Variants in ME3 observed in about 807,000 individuals in gnomAD.
ME3 encodes NADP-dependent malic enzyme, mitochondrial.
ME3 carries 48 observed loss-of-function variants against 68.9 expected under a neutral mutation model. The observed-to-expected ratio is 0.70, with a 90% CI of 0.55 to 0.89. The LOEUF is 0.89. Ranked by LOEUF, ME3 falls within the 40% of genes least tolerant of loss-of-function variation. ME3 has a pLI of 0.00. For missense variants in ME3, 675 were observed against 797.4 expected (o/e 0.85, Z 1.85); for synonymous variants, 320 against 318.8 (o/e 1.00, Z -0.04).
At chr11:86,652,218 C>T (rs1353400231) in intron 2 of ME3, among the ~76,000 whole-genome samples, 1 of 152,110 alleles carries the variant, frequency 6.6e-6, no homozygotes, top group Non-Finnish European at 1.5e-5. Context: ...GGCAGGCCAA[C>T]ATTTAGATTC....
At chr11:86,611,749 T>G (rs943519655) in intron 2 of ME3, among the ~76,000 whole-genome samples, 4 of 152,108 alleles carry the variant, frequency 2.6e-5, no homozygotes, top group Admixed American at 6.6e-5. Context: ...TCTAGATGTT[T>G]GATCTTAGGC....
chr11:86,559,195 C>T (rs1032673512), intron 3 of ME3, among the ~76,000 whole-genome samples: 2 of 152,158 alleles, frequency 1.3e-5, no homozygotes, highest in Non-Finnish European at 2.9e-5. Flanking sequence ...TGCCCATAGC[C>T]TCCAACAAAT....
chr11:86,660,940 G>C (rs550990499), intron 2 of ME3, among the ~76,000 whole-genome samples: 1 of 152,230 alleles, frequency 6.6e-6, no homozygotes, highest in South Asian at 2.1e-4. Context: ...AGAGGGTCAG[G>C]TCAAGATTTT....
At chr11:86,486,255 T>G (rs1401486305) in intron 7 of ME3, among the ~76,000 whole-genome samples, 1 of 152,250 alleles carries the variant, frequency 6.6e-6, no homozygotes, top group Admixed American at 6.5e-5. Context: ...ATTCATTTTG[T>G]CTTTTGACAG....
At chr11:86,642,878 G>A (rs1938921) in intron 2 of ME3, among the ~76,000 whole-genome samples, 106,413 of 152,092 alleles carry the variant, frequency 0.7, 38,411 homozygotes, top group Non-Finnish European at 0.8. Context: ...TGATACTTGC[G>A]TGAGATAACC....
At chr11:86,442,206 C>A (rs1949035302) in intron 14 of ME3, among the ~76,000 whole-genome samples, 2 of 152,200 alleles carry the variant, frequency 1.3e-5, no homozygotes, top group African/African-American at 4.8e-5. Flanking sequence ...GAAAACCCAT[C>A]ATCTCTGCAC....
chr11:86,525,003 G>C (rs1954625590), intron 4 of ME3, among the ~76,000 whole-genome samples: 1 of 152,222 alleles, frequency 6.6e-6, no homozygotes, highest in South Asian at 2.1e-4. Flanking sequence ...GCTTTGAAAT[G>C]ATTGAGAAAA....
At chr11:86,459,705 G>A (rs1950133593) in intron 8 of ME3, among the ~76,000 whole-genome samples, 1 of 152,184 alleles carries the variant, frequency 6.6e-6, no homozygotes, top group Non-Finnish European at 1.5e-5. Context: ...CTTGTCCAAA[G>A]CCACAAAGCA....
intron 2 of ME3, among the ~76,000 whole-genome samples, chr11:86,652,432 T>C (rs1293810312): frequency 6.6e-6 from 1 of 151,914 alleles, no homozygotes; most frequent in East Asian, 1.9e-4. Context: ...AGAGTGGGGG[T>C]CAATATTCAA....
intron 2 of ME3, among the ~76,000 whole-genome samples, chr11:86,597,199 A>T (rs966941158): frequency 1.3e-5 from 2 of 152,226 alleles, no homozygotes; most frequent in African/African-American, 4.8e-5. Context: ...CAAGGCAGGG[A>T]TGTGGTCGCA....
chr11:86,671,607 G>T (rs889476969), intron 2 of ME3, 155 bp downstream of exon 2: 1 of 878,030 alleles, frequency 1.1e-6, no homozygotes, highest in Non-Finnish European at 1.7e-6. Context: ...GGACAAGAAA[G>T]CCAAACCAAG....
intron 2 of ME3, among the ~76,000 whole-genome samples, chr11:86,580,244 T>C (rs1436178010): frequency 6.6e-6 from 1 of 152,232 alleles, no homozygotes; most frequent in Non-Finnish European, 1.5e-5. Flanking sequence ...GGAAGCGATG[T>C]TGATGTTCAC....
chr11:86,450,484 G>A, intron 8 of ME3, 86 bp from the exon 9 acceptor site: 5 of 1,096,916 alleles, frequency 4.6e-6, no homozygotes, highest in Non-Finnish European at 6.8e-6. Context: ...CCCACATCTG[G>A]GACTGTGGAG....
chr11:86,487,203 T>A lies in ME3; in HGVS notation c.809+134A>T, dbSNP rs1023559714. ...AGTCTTATCACTCCTAGGGGTCAAG[T>A]TGGAATTTTCAGAATACCTGGAAAA... is the stretch of plus-strand genomic sequence containing the variant. On this transcript the variant is annotated intron_variant, in intron 7 of 14. Transcript: ENST00000543262. 4.2e-6 allele frequency: 3 copies of A among 709,426 alleles called. No homozygotes were observed. In the African/African-American group the frequency reaches 5.3e-5, roughly 12 times the overall value. The allele number at this position is 709,426 out of a possible 1,614,324, so 43.9% of individuals were successfully genotyped here.
chr11:86,496,137 G>A (rs1034495888), intron 6 of ME3, among the ~76,000 whole-genome samples: 3 of 152,064 alleles, frequency 2.0e-5, no homozygotes, highest in African/African-American at 7.2e-5. Context: ...TGGGTGCAGT[G>A]GCTCAAGTCT....
intron 4 of ME3, among the ~76,000 whole-genome samples, chr11:86,552,335 C>T (rs917648503): frequency 1.4e-4 from 21 of 152,212 alleles, no homozygotes; most frequent in Admixed American, 4.6e-4. Context: ...CTGACAAAGA[C>T]GCTCCTTTGA....
intron 7 of ME3, among the ~76,000 whole-genome samples, chr11:86,471,345 A>G (rs1176466079): frequency 6.6e-6 from 1 of 151,980 alleles, no homozygotes; most frequent in Non-Finnish European, 1.5e-5. Flanking sequence ...CATGTTGGCC[A>G]GGATGGTCTT....
rs550058099 is a variant in ME3, at chr11:86,599,543, G to A, written c.184-39720C>T. ...AAACACTCTGCAGGTTATTATCCAG[G>A]ACAACTTCCCCAATCTAGCAAGGCA... is the stretch of plus-strand genomic sequence containing the variant. On this transcript the variant is annotated intron_variant, in intron 2 of 14. Transcript: ENST00000543262. Among the ~76,000 whole-genome samples the A allele has an allele frequency of 5.3e-5, 8 of 152,316 alleles. No homozygotes were observed. The South Asian group carries it at 1.7e-3, about 32-fold the overall frequency.
chr11:86,448,169 C>T, exon 11 of ME3: 1 of 1,613,740 alleles, frequency 6.2e-7, no homozygotes, highest in Non-Finnish European at 8.5e-7. Flanking sequence ...CTGTGGGCTT[C>T]ACCAGCCTCA....
Sources: allele counts gnomAD v4.1 joint callset (sites outside exome capture counted in the v4.1 genomes callset), GRCh38; gene constraint gnomAD v4.1.1; transcripts MANE v1.5; gene names NCBI Gene and HGNC (gene_info 2026-07-23, HGNC 2026-07-21).